FUT9: variants seen among roughly 807,000 people sequenced by gnomAD.
The protein encoded by FUT9 is fucosyltransferase 9, also known as 4-galactosyl-N-acetylglucosaminide 3-alpha-L-fucosyltransferase 9.
A neutral mutation model predicts 29.7 loss-of-function variants in FUT9; 15 were observed. The observed-to-expected ratio is 0.51, with a 90% CI of 0.34 to 0.78. The LOEUF (loss-of-function observed/expected upper bound fraction) is 0.78, where lower values mean the gene tolerates loss of function less well. Ranked by LOEUF, FUT9 falls within the 30% of genes least tolerant of loss-of-function variation. FUT9 has a pLI of 0.01. For synonymous variants in FUT9, 169 were observed against 153.7 expected, an observed-to-expected ratio of 1.10 and a Z score of -0.74; for missense variants, 319 against 425.4, an observed-to-expected ratio of 0.75 and a Z score of 2.20.
intron 2 of FUT9, among the ~76,000 whole-genome samples, chr6:96,198,962 C>CGACTGGAG (rs145954987): frequency 0.18 from 26,830 of 151,864 alleles, 2,661 homozygotes; most frequent in Admixed American, 0.25. Flanking sequence ...TCTTAAAGAA[C>CGACTGGAG]GACTGGAGGT....
At chr6:96,156,197 C>A (rs1772781738) in intron 2 of FUT9, among the ~76,000 whole-genome samples, 1 of 152,156 alleles carries the variant, frequency 6.6e-6, no homozygotes, top group Admixed American at 6.5e-5. Flanking sequence ...TTCCAACTGG[C>A]AAATACTTTG....
intron 2 of FUT9, among the ~76,000 whole-genome samples, chr6:96,190,983 C>G (rs9377490): frequency 0.91 from 138,872 of 152,162 alleles, 64,724 homozygotes; most frequent in Non-Finnish European, 1. Context: ...GAGAGGCACT[C>G]TGATTTTTAG....
intron 1 of FUT9, among the ~76,000 whole-genome samples, chr6:96,075,765 A>G (rs1771133453): frequency 6.6e-6 from 1 of 152,126 alleles, no homozygotes; most frequent in Non-Finnish European, 1.5e-5. Context: ...CTTAAATTTT[A>G]TGTCAACTTA....
intron 1 of FUT9, among the ~76,000 whole-genome samples, chr6:96,095,403 G>T (rs565471810): frequency 6.6e-6 from 1 of 151,888 alleles, no homozygotes; most frequent in African/African-American, 2.4e-5. Context: ...CTCAACTTTC[G>T]CTTGAATACA....
chr6:96,196,325 T>TA (rs1332332042), intron 2 of FUT9, among the ~76,000 whole-genome samples: 1 of 152,162 alleles, frequency 6.6e-6, no homozygotes, highest in Non-Finnish European at 1.5e-5. Context: ...CTCGAAGACT[T>TA]AAGGTGAACT....
intron 1 of FUT9, among the ~76,000 whole-genome samples, chr6:96,040,539 A>G (rs1406718186): frequency 1.3e-5 from 2 of 152,172 alleles, no homozygotes; most frequent in Non-Finnish European, 2.9e-5. Flanking sequence ...ACGACAGGCA[A>G]TTGAGCCGGC....
intron 2 of FUT9, among the ~76,000 whole-genome samples, chr6:96,140,234 T>G (rs747715347): frequency 6.6e-6 from 1 of 152,220 alleles, no homozygotes; most frequent in Non-Finnish European, 1.5e-5. Flanking sequence ...CACCGCAGCC[T>G]GGACTTTACT....
chr6:96,121,061 G>T (rs1050503670), intron 2 of FUT9, among the ~76,000 whole-genome samples: 10 of 152,180 alleles, frequency 6.6e-5, no homozygotes, highest in African/African-American at 1.4e-4. Flanking sequence ...TAATTTCAGA[G>T]AAAATTGAGG....
At chr6:96,138,969 T>C (rs1562139285) in intron 2 of FUT9, among the ~76,000 whole-genome samples, 1 of 152,120 alleles carries the variant, frequency 6.6e-6, no homozygotes, top group Non-Finnish European at 1.5e-5. Flanking sequence ...TTGCCTTAAA[T>C]ACAGATAATG....
intron 2 of FUT9, among the ~76,000 whole-genome samples, chr6:96,199,144 G>A (rs1342189767): frequency 2.0e-5 from 3 of 152,094 alleles, no homozygotes; most frequent in Non-Finnish European, 4.4e-5. Flanking sequence ...GTTACAATTT[G>A]CTTTGTGCTA....
intron 2 of FUT9, among the ~76,000 whole-genome samples, chr6:96,192,175 T>C (rs1013154769): frequency 6.6e-6 from 1 of 152,106 alleles, no homozygotes; most frequent in African/African-American, 2.4e-5. Flanking sequence ...CCACTCCTAT[T>C]CAACATAGTG....
rs773084092 is a variant in FUT9 at position 96,203,428 on chromosome 6, C to T, written c.273C>T (p.Cys91=). Residue 91 remains cysteine, a synonymous_variant, in exon 3 of 3, where the codon TGC becomes TGT. Transcript: ENST00000302103. ...SCQAMFNIQG[C]HLTTDRSLYN... ...AAGCAATGTTCAACATCCAAGGATGCCATCTCACAACGGACCGTTCACTGT... is the reference window on the plus strand; with the variant it reads ...AAGCAATGTTCAACATCCAAGGATGTCATCTCACAACGGACCGTTCACTGT... 6 of 1,607,672 alleles carry T rather than the reference C, an allele frequency of 3.7e-6. No individual in the cohort carries two copies. Among genetic ancestry groups the T allele is most frequent in the East Asian group, 2.2e-5 (1 of 44,814 alleles).
chr6:96,172,908 G>A (rs541445137), intron 2 of FUT9, among the ~76,000 whole-genome samples: 151 of 152,254 alleles, frequency 9.9e-4, no homozygotes, highest in African/African-American at 3.4e-3. Flanking sequence ...AATTAGGTGT[G>A]AAGGTTCCCT....
At chr6:96,125,059 T>C (rs1246108490) in intron 2 of FUT9, among the ~76,000 whole-genome samples, 1 of 152,212 alleles carries the variant, frequency 6.6e-6, no homozygotes, top group Non-Finnish European at 1.5e-5. Flanking sequence ...GATGTAATCT[T>C]ACATGAGTAA....
chr6:96,097,595 G>A (rs908764124), intron 1 of FUT9, among the ~76,000 whole-genome samples: 6 of 147,248 alleles, frequency 4.1e-5, no homozygotes, highest in Non-Finnish European at 6.0e-5. Context: ...CGTAAAAACT[G>A]TTGATCGATA....
At chr6:96,026,046 G>A (rs913652594) in intron 1 of FUT9, among the ~76,000 whole-genome samples, 1 of 151,664 alleles carries the variant, frequency 6.6e-6, no homozygotes, top group African/African-American at 2.4e-5. Context: ...CAGTGAACAT[G>A]CCTCTCTTTG....
intron 1 of FUT9, among the ~76,000 whole-genome samples, chr6:96,077,905 G>C (rs1173018766): frequency 6.6e-6 from 1 of 152,094 alleles, no homozygotes; most frequent in East Asian, 1.9e-4. Flanking sequence ...CAACTTTATA[G>C]TCTCCATTAT....
intron 1 of FUT9, among the ~76,000 whole-genome samples, chr6:96,074,795 G>C (rs1329937138): frequency 6.6e-6 from 1 of 151,798 alleles, no homozygotes; most frequent in East Asian, 1.9e-4. Context: ...TTTTTTTTAA[G>C]AGACAGGGTC....
At chr6:96,026,924 G>A (rs1770179192) in intron 1 of FUT9, among the ~76,000 whole-genome samples, 2 of 151,638 alleles carry the variant, frequency 1.3e-5, no homozygotes. Flanking sequence ...CTGAAGCATG[G>A]TGAGTATCCA....
Sources: allele counts gnomAD v4.1 joint callset (sites outside exome capture counted in the v4.1 genomes callset), GRCh38; gene constraint gnomAD v4.1.1; transcripts MANE v1.5; gene names NCBI Gene and HGNC (gene_info 2026-07-23, HGNC 2026-07-21).